Variants in CNIH3 observed in about 807,000 individuals in gnomAD.
CNIH3 encodes the protein protein cornichon homolog 3.
A neutral mutation model predicts 24.1 loss-of-function variants in CNIH3; 14 were observed. The ratio of observed to expected loss-of-function variants is 0.58; its 90% CI spans 0.38 to 0.91. The LOEUF (loss-of-function observed/expected upper bound fraction) is 0.91. Ranked by LOEUF, CNIH3 falls within the 40% of genes least tolerant of loss-of-function variation. The probability of loss-of-function intolerance (pLI) is 0.00; values close to 1 mark genes in which losing one functional copy is unlikely to be tolerated. For missense variants in CNIH3, 178 were observed against 196.8 expected (o/e 0.90, Z 0.57); for synonymous variants, 68 against 73.8 (o/e 0.92, Z 0.40).
intron 1 of CNIH3, among the ~76,000 whole-genome samples, chr1:224,647,719 A>T (rs1205609757): frequency 2.6e-5 from 4 of 152,176 alleles, no homozygotes; most frequent in Non-Finnish European, 4.4e-5. Context: ...GCTGGGTGGC[A>T]CAGGGGGAAG....
chr1:224,732,205 A>G (rs972003931), intron 4 of CNIH3, among the ~76,000 whole-genome samples: 1 of 152,066 alleles, frequency 6.6e-6, no homozygotes, highest in Non-Finnish European at 1.5e-5. Context: ...TGGTGAGAGA[A>G]CAAGAGAAGC....
chr1:224,517,922 G>A (rs1253698157), intron 1 of CNIH3, among the ~76,000 whole-genome samples: 3 of 152,144 alleles, frequency 2.0e-5, no homozygotes, highest in Non-Finnish European at 2.9e-5. Context: ...GGAATGATGG[G>A]GGTGCCTTGA....
At chr1:224,683,273 C>T (rs1686490318) in intron 2 of CNIH3, among the ~76,000 whole-genome samples, 1 of 152,168 alleles carries the variant, frequency 6.6e-6, no homozygotes, top group African/African-American at 2.4e-5. Flanking sequence ...AGAATAAAGA[C>T]TCTAGGTGCC....
chr1:224,559,786 G>A, intron 3 of CNIH3, among the ~76,000 whole-genome samples: 1 of 152,038 alleles, frequency 6.6e-6, no homozygotes, highest in East Asian at 1.9e-4. Flanking sequence ...CAAACACTCA[G>A]GGCAAAAATA....
chr1:224,541,539 A>G (rs1025811018), downstream of CNIH3, among the ~76,000 whole-genome samples: 1 of 152,192 alleles, frequency 6.6e-6, no homozygotes, highest in Admixed American at 6.6e-5. Context: ...TAAATTTCCT[A>G]TAGTGGTTAC....
intron 1 of CNIH3, among the ~76,000 whole-genome samples, chr1:224,460,925 G>C (rs12727444): frequency 6.6e-6 from 1 of 151,668 alleles, no homozygotes; most frequent in Non-Finnish European, 1.5e-5. Flanking sequence ...GATTATAGGC[G>C]AGAGCCACTG....
At chr1:224,702,155 C>T (rs1376640396) in intron 3 of CNIH3, among the ~76,000 whole-genome samples, 3 of 152,148 alleles carry the variant, frequency 2.0e-5, no homozygotes, top group Middle Eastern at 3.4e-3. Flanking sequence ...GTTTTTTCCC[C>T]ACATACCATT....
chr1:224,596,331 A>G (rs1018970339), intron 3 of CNIH3, among the ~76,000 whole-genome samples: 1 of 152,240 alleles, frequency 6.6e-6, no homozygotes. Context: ...TGTGTGACAG[A>G]CATTTGTTTA....
At chr1:224,731,190 C>T (rs554062603) in intron 4 of CNIH3, among the ~76,000 whole-genome samples, 4 of 152,134 alleles carry the variant, frequency 2.6e-5, no homozygotes, top group Non-Finnish European at 2.9e-5. Flanking sequence ...ATGATGGTTG[C>T]ACAACTCTAT....
intron 1 of CNIH3, among the ~76,000 whole-genome samples, chr1:224,632,791 G>A (rs542945585): frequency 1.3e-5 from 2 of 152,136 alleles, no homozygotes; most frequent in Non-Finnish European, 2.9e-5. Flanking sequence ...GGCCAGCCAA[G>A]CATATGTGCT....
At chr1:224,476,761 C>A (rs918437754) in intron 1 of CNIH3, among the ~76,000 whole-genome samples, 2 of 151,934 alleles carry the variant, frequency 1.3e-5, no homozygotes, top group Middle Eastern at 3.2e-3. Flanking sequence ...CAATCTCTAT[C>A]AAAATACCAA....
intron 3 of CNIH3, among the ~76,000 whole-genome samples, chr1:224,723,692 G>T (rs10799278): frequency 6.6e-6 from 1 of 152,052 alleles, no homozygotes; most frequent in Admixed American, 6.5e-5. Context: ...CGTGTTCCTG[G>T]TGCAGGCCTA....
rs1323001899 is a variant in CNIH3, at chr1:224,734,717, G to C, written c.455+11G>C. On this transcript the variant is annotated intron_variant, in intron 5 of 5. Coordinates refer to ENST00000272133, the MANE Select transcript of CNIH3 (RefSeq NM_152495.2). ...CTACTACCTTTACTGGTGAGTATCT[G>C]CCCCTCCTGGTGGTTTTGACTCCTG... 1.2e-6 allele frequency: 2 copies of C among 1,613,590 alleles called. No individual in the cohort carries two copies. The highest frequency in any genetic ancestry group is 3.3e-5 in the Admixed American group (2 of 60,020).
Position 224,453,923 on chromosome 1 carries a change from A to G in CNIH3, n.203+19061A>G, listed in dbSNP as rs145046163. On this transcript the variant is annotated intron_variant and non_coding_transcript_variant, in intron 1 of 5. Coordinates refer to the CNIH3 transcript ENST00000471578. ...AACAGAACTATTAAAACCCGAGATC[A>G]GTTTGTTTAGACACTAGTCATATTG... 3.1e-3 allele frequency among the ~76,000 whole-genome samples: 467 copies of G among 152,232 alleles called. 1 individual carries two copies. The highest frequency in any genetic ancestry group is 0.01 in the African/African-American group (432 of 41,488).
chr1:224,710,756 A>G (rs1447056155), intron 3 of CNIH3, among the ~76,000 whole-genome samples: 1 of 152,184 alleles, frequency 6.6e-6, no homozygotes, highest in Non-Finnish European at 1.5e-5. Flanking sequence ...ACACCACTTT[A>G]TCACTTGGAA....
At chr1:224,485,180 T>G (rs756987023) in intron 1 of CNIH3, among the ~76,000 whole-genome samples, 13 of 152,242 alleles carry the variant, frequency 8.5e-5, no homozygotes, top group Non-Finnish European at 1.3e-4. Context: ...ATAGTCACTC[T>G]CTGCTTCTCC....
chr1:224,453,429 C>T (rs1572270359), intron 1 of CNIH3, among the ~76,000 whole-genome samples: 1 of 151,886 alleles, frequency 6.6e-6, no homozygotes, highest in African/African-American at 2.4e-5. Context: ...CTCAAGTGAT[C>T]CTCCCACTTT....
At chr1:224,577,525 T>G (rs1023432616) in intron 4 of CNIH3, among the ~76,000 whole-genome samples, 4 of 152,000 alleles carry the variant, frequency 2.6e-5, no homozygotes, top group African/African-American at 7.2e-5. Flanking sequence ...TACTCCTGCA[T>G]TTGAATGGCC....
At chr1:224,732,387 T>C (rs1689384088) in intron 4 of CNIH3, among the ~76,000 whole-genome samples, 1 of 152,136 alleles carries the variant, frequency 6.6e-6, no homozygotes, top group Non-Finnish European at 1.5e-5. Flanking sequence ...TCGAGAAGCC[T>C]CACTTTAAGT....
Sources: gnomAD v4.1 joint callset for allele counts (sites outside exome capture counted in the v4.1 genomes callset) on GRCh38, gnomAD v4.1.1 for gene constraint, MANE v1.5 for transcripts, NCBI Gene and HGNC (gene_info 2026-07-23, HGNC 2026-07-21) for gene names.